NSD3: variants seen among roughly 807,000 people sequenced by gnomAD.
NSD3 encodes the protein nuclear receptor binding SET domain protein 3, also known as histone-lysine N-methyltransferase NSD3.
NSD3 carries 24 observed loss-of-function variants against 160.8 expected under a neutral mutation model. The observed-to-expected ratio is 0.15, with a 90% CI of 0.11 to 0.21. NSD3 has a LOEUF of 0.21. Ranked by LOEUF, NSD3 falls within the 10% of genes least tolerant of loss-of-function variation. The pLI, the probability that NSD3 is intolerant of heterozygous loss-of-function variation, is 1.00. For missense variants in NSD3, 1,157 were observed against 1,735.9 expected (o/e 0.67, Z 5.93); for synonymous variants, 520 against 600.0 (o/e 0.87, Z 1.95).
Position 38,329,512 on chromosome 8 carries a change from T to C in NSD3, c.1447A>G (p.Ile483Val), listed in dbSNP as rs1175355213. Residue 483 changes from isoleucine to valine, a missense_variant, in exon 6 of 24, where the codon ATT (isoleucine) becomes GTT (valine). This residue lies in a region of NSD3 where 168 missense variants were observed against 208.1 expected (regional missense o/e 0.81). Coordinates refer to ENST00000317025, the MANE Select transcript of NSD3 (RefSeq NM_023034.2). The surrounding 1 kb of genome is among the most constrained non-coding windows in gnomAD (Gnocchi z 4.8). ...AAARKSLPAS[I>V]TMHKGSLDLQ... ...TCCAGGCTCCCTTTGTGCATCGTAA[T>C]GGAAGCTGGTAAGGATTTCCTTGCT... The C allele has an allele frequency of 6.2e-7, 1 of 1,614,240 alleles. No individual in the cohort carries two copies. The highest frequency in any genetic ancestry group is 2.2e-5 in the East Asian group (1 of 44,892).
chr8:38,299,373 C>T, intron 15 of NSD3, 71 bp downstream of exon 15: 2 of 1,499,524 alleles, frequency 1.3e-6, no homozygotes, highest in Non-Finnish European at 8.9e-7. Flanking sequence ...CATACATTTC[C>T]CCCCTATATT....
chr8:38,307,034 C>G (rs1200718543), intron 12 of NSD3, among the ~76,000 whole-genome samples: 1 of 150,032 alleles, frequency 6.7e-6, no homozygotes. Context: ...AGAATGGCGT[C>G]AACCCGGGAG....
chr8:38,372,347 A>G (rs1423097829), intron 1 of NSD3, among the ~76,000 whole-genome samples: 1 of 152,184 alleles, frequency 6.6e-6, no homozygotes, highest in Non-Finnish European at 1.5e-5. Flanking sequence ...TAAGGTACTA[A>G]GATTTCAAAT....
chr8:38,327,196 C>T (rs191343335), intron 6 of NSD3, among the ~76,000 whole-genome samples: 7 of 151,392 alleles, frequency 4.6e-5, no homozygotes, highest in East Asian at 1.9e-4. Context: ...AATACAGATG[C>T]GTGCCACCAC....
At chr8:38,286,801 C>G (rs1011762566) in intron 19 of NSD3, among the ~76,000 whole-genome samples, 4 of 152,198 alleles carry the variant, frequency 2.6e-5, no homozygotes, top group Admixed American at 2.6e-4. Context: ...GCAGCCTTTA[C>G]AGCTGCCTGC....
At chr8:38,283,594 T>C (rs1223468192) in intron 19 of NSD3, among the ~76,000 whole-genome samples, 2 of 151,982 alleles carry the variant, frequency 1.3e-5, no homozygotes, top group Non-Finnish European at 2.9e-5. Flanking sequence ...AAATAGATTA[T>C]AATAAGGGAA....
chr8:38,296,586 G>T (rs1413886490), intron 15 of NSD3, among the ~76,000 whole-genome samples: 1 of 151,574 alleles, frequency 6.6e-6, no homozygotes. Flanking sequence ...TCATCACCAA[G>T]GATTCCCTTT....
intron 1 of NSD3, among the ~76,000 whole-genome samples, chr8:38,350,393 T>C (rs1021461500): frequency 2.0e-5 from 3 of 152,244 alleles, no homozygotes; most frequent in Admixed American, 6.5e-5. Flanking sequence ...TGGTGTGAGA[T>C]GATATCTCAT....
chr8:38,328,427 A>C (rs1247461284), intron 6 of NSD3, among the ~76,000 whole-genome samples: 1 of 152,186 alleles, frequency 6.6e-6, no homozygotes, highest in Admixed American at 6.5e-5. Context: ...ATTTGCTATC[A>C]AGAGAACCAA....
At position 38,270,013 on chromosome 8, in the gene NSD3, T is replaced by TA. The variant is rs1469659266; in HGVS notation, c.*5627dup. ...GCTTTACACGTTTCACACTATGCAA[T>TA]AAAACATAGGCCAATCAACAAAATC... is the stretch of plus-strand genomic sequence containing the variant. On this transcript the variant is annotated 3_prime_UTR_variant, in exon 24 of 24. Transcript: ENST00000317025. 2.0e-5 allele frequency: 3 copies of TA among 152,202 alleles called. No homozygotes were observed. Among genetic ancestry groups the TA allele is most frequent in the Non-Finnish European group, 4.4e-5 (3 of 68,036 alleles). The allele number at this position is 152,202 out of a possible 1,614,324, so 9.4% of individuals were successfully genotyped here. A position where few individuals can be genotyped will look rare whatever the true frequency, so the allele number is the denominator to read the frequency against.
chr8:38,339,481 C>T (rs1810306106), intron 2 of NSD3, among the ~76,000 whole-genome samples: 1 of 151,970 alleles, frequency 6.6e-6, no homozygotes, highest in South Asian at 2.1e-4. Context: ...AATCCTAGCA[C>T]TTTGGGAGGC....
At chr8:38,315,184 C>T (rs1024706895) in intron 11 of NSD3, among the ~76,000 whole-genome samples, 1 of 152,172 alleles carries the variant, frequency 6.6e-6, no homozygotes, top group Admixed American at 6.5e-5. Context: ...AATCAGTCAT[C>T]TGCCATTTAC....
At position 38,316,350 on chromosome 8, in the gene NSD3, TG is replaced by T; in HGVS notation, c.1856-309del. On this transcript the variant is annotated intron_variant, in intron 9 of 23. Coordinates refer to ENST00000317025, the MANE Select transcript of NSD3 (RefSeq NM_023034.2). The surrounding 1 kb of genome is among the most constrained non-coding windows in gnomAD (Gnocchi z 4.5). ...TCTATGAAAATTGCAGGATAGCTGATGGATTTGGAGCAATTCAAAGAACCAT... is the reference window on the plus strand; with the variant it reads ...TCTATGAAAATTGCAGGATAGCTGATGATTTGGAGCAATTCAAAGAACCAT... The T allele has an allele frequency of 9.1e-7, 1 of 1,097,550 alleles. No homozygotes were observed. Among genetic ancestry groups the T allele is most frequent in the Non-Finnish European group, 1.1e-6 (1 of 892,654 alleles). 68.0% of individuals were successfully genotyped at this position (1,097,550 alleles called of 1,614,324 possible). A position where few individuals can be genotyped will look rare whatever the true frequency, so the allele number is the denominator to read the frequency against.
At chr8:38,346,175 T>C (rs866885560) in intron 2 of NSD3, among the ~76,000 whole-genome samples, 31 of 148,172 alleles carry the variant, frequency 2.1e-4, no homozygotes, top group Non-Finnish European at 2.7e-4. Flanking sequence ...TATGTATATA[T>C]GTATATATAC....
Position 38,317,076 on chromosome 8 carries a change from A to G in NSD3, c.1856-1034T>C. ...CCAGCAAGCTATGGTGGAAGTGTGC[A>G]GTCCAGAAGAGCCCATGGAGAAACA... On this transcript the variant is annotated intron_variant, in intron 9 of 23. Transcript: ENST00000317025. The surrounding 1 kb of genome is among the most constrained non-coding windows in gnomAD (Gnocchi z 5.3). The G allele has an allele frequency of 9.4e-7, 1 of 1,061,092 alleles. No homozygotes were observed. The highest frequency in any genetic ancestry group is 1.1e-6 in the Non-Finnish European group (1 of 876,614). The allele number at this position is 1,061,092 out of a possible 1,614,324, so 65.7% of individuals were successfully genotyped here.
Position 38,288,742 on chromosome 8 carries a change from T to C in NSD3, c.3246A>G (p.Ile1082Met), listed in dbSNP as rs372514834. Residue 1082 changes from isoleucine (I) to methionine (M), a missense_variant, in exon 19 of 24, where the codon ATA becomes ATG. Physicochemically the swap from Ile to Met is conservative, Grantham distance 10. This residue lies in a region of NSD3 where 437 missense variants were observed against 576.6 expected (regional missense o/e 0.76). Transcript: ENST00000317025. This position sits in a 1 kb window ranked among gnomAD's most constrained non-coding sequence, Gnocchi z 4.5. ...PYKHIKANKV[I>M]GKVQIQVADL... ...CAGCAACCTGGATCTGCACCTTTCC[T>C]ATTACTTTGTTAGCCTAGAAAACAA... is the stretch of plus-strand genomic sequence containing the variant. 1.9e-6 allele frequency: 3 copies of C among 1,612,514 alleles called. No homozygotes were observed. Among genetic ancestry groups the C allele is most frequent in the Admixed American group, 3.3e-5 (2 of 59,978 alleles).
Position 38,273,898 on chromosome 8 carries a change from T to C in NSD3, c.*1743A>G, listed in dbSNP as rs746294243. 3 of 152,160 alleles carry C rather than the reference T, an allele frequency of 2.0e-5. No individual in the cohort carries two copies. Among genetic ancestry groups the C allele is most frequent in the Non-Finnish European group, 2.9e-5 (2 of 68,024 alleles). The allele number at this position is 152,160 out of a possible 1,614,324, so 9.4% of individuals were successfully genotyped here. Reference sequence around the variant, plus strand: ...CAGTTTAGGAGCTTCAGTAAAAGAATTGTAGTGTTTTTTACAAGAGAAAAT... The same window carrying C: ...CAGTTTAGGAGCTTCAGTAAAAGAACTGTAGTGTTTTTTACAAGAGAAAAT... On this transcript the variant is annotated 3_prime_UTR_variant, in exon 24 of 24. Transcript: ENST00000317025.
At chr8:38,365,310 G>A (rs984356363) in intron 1 of NSD3, among the ~76,000 whole-genome samples, 1 of 152,074 alleles carries the variant, frequency 6.6e-6, no homozygotes, top group Admixed American at 6.6e-5. Flanking sequence ...TTTTGTCTGT[G>A]ATGTGGTTCA....
At chr8:38,356,055 C>T (rs1321065912) in intron 1 of NSD3, among the ~76,000 whole-genome samples, 2 of 152,206 alleles carry the variant, frequency 1.3e-5, no homozygotes, top group Non-Finnish European at 2.9e-5. Flanking sequence ...TCTCCACTCC[C>T]ACTCCCCAGA....
Sources: gnomAD v4.1 joint callset for allele counts (sites outside exome capture counted in the v4.1 genomes callset) on GRCh38, gnomAD v4.1.1 for gene constraint, gnomAD v4.1.1 regional missense constraint, Gnocchi (gnomAD v3.1) non-coding constraint, MANE v1.5 for transcripts, NCBI Gene and HGNC (gene_info 2026-07-23, HGNC 2026-07-21) for gene names.